ADGRL3: variants seen among roughly 807,000 people sequenced by gnomAD.
ADGRL3 encodes calcium-independent alpha-latrotoxin receptor 3.
In ADGRL3, 62 loss-of-function variants were observed where a neutral mutation model predicts 153.5. The observed-to-expected ratio is 0.40, with a 90% CI of 0.33 to 0.50. The LOEUF is 0.50. Among genes scored for constraint, ADGRL3 ranks in the 20% least tolerant of loss-of-function variants. ADGRL3 has a pLI of 0.47. For synonymous variants in ADGRL3, 710 were observed against 672.5 expected, an observed-to-expected ratio of 1.06 and a Z score of -0.86; for missense variants, 1,641 against 1,859.4, an observed-to-expected ratio of 0.88 and a Z score of 2.16.
chr4:62,007,381 T>TATATATATATATATATATACACAC (rs1553908589), intron 21 of ADGRL3, among the ~76,000 whole-genome samples: 1 of 9,296 alleles, frequency 1.1e-4, no homozygotes, highest in South Asian at 0.013. Context: ...TATATATATA[T>TATATATATATATATATATACACAC]ATACACACAC....
At chr4:61,997,535 G>T (rs915083622) in intron 20 of ADGRL3, among the ~76,000 whole-genome samples, 2 of 152,042 alleles carry the variant, frequency 1.3e-5, no homozygotes, top group African/African-American at 4.8e-5. Flanking sequence ...TCACTATGTG[G>T]TTTTTTTATA....
chr4:61,291,210 A>G (rs2021249), intron 1 of ADGRL3, among the ~76,000 whole-genome samples: 9,969 of 133,442 alleles, frequency 0.075, 495 homozygotes, highest in Admixed American at 0.13. Flanking sequence ...ACACACACAC[A>G]CACACACGCA....
chr4:61,774,078 C>T (rs1208003088), intron 8 of ADGRL3, among the ~76,000 whole-genome samples: 1 of 151,914 alleles, frequency 6.6e-6, no homozygotes, highest in Non-Finnish European at 1.5e-5. Flanking sequence ...GGAAACAGGC[C>T]GGGCATGGTG....
At chr4:61,981,441 A>C (rs1022091459) in intron 18 of ADGRL3, among the ~76,000 whole-genome samples, 3 of 151,940 alleles carry the variant, frequency 2.0e-5, no homozygotes, top group African/African-American at 7.3e-5. Flanking sequence ...TTATATTTGC[A>C]TGAGTTCTGG....
At chr4:61,214,681 A>G (rs1220315273) in intron 1 of ADGRL3, among the ~76,000 whole-genome samples, 1 of 152,162 alleles carries the variant, frequency 6.6e-6, no homozygotes, top group Non-Finnish European at 1.5e-5. Context: ...CATGCCTATA[A>G]TCCCGGTACT....
intron 1 of ADGRL3, among the ~76,000 whole-genome samples, chr4:61,311,553 C>T (rs2095010486): frequency 6.6e-6 from 1 of 152,192 alleles, no homozygotes; most frequent in Non-Finnish European, 1.5e-5. Context: ...ACAACCCATG[C>T]TTTTGCCCTC....
intron 4 of ADGRL3, among the ~76,000 whole-genome samples, chr4:61,544,519 C>T (rs1027601979): frequency 6.6e-6 from 1 of 152,100 alleles, no homozygotes; most frequent in South Asian, 2.1e-4. Context: ...CCTTTAGATA[C>T]ATGTGTACAG....
chr4:61,559,959 C>T (rs1231752954), intron 4 of ADGRL3, among the ~76,000 whole-genome samples: 1 of 151,994 alleles, frequency 6.6e-6, no homozygotes, highest in African/African-American at 2.4e-5. Flanking sequence ...ATGACATTCT[C>T]TTCTTTCTCT....
intron 17 of ADGRL3, among the ~76,000 whole-genome samples, chr4:61,973,451 T>A (rs1368495131): frequency 6.6e-6 from 1 of 152,098 alleles, no homozygotes; most frequent in Non-Finnish European, 1.5e-5. Flanking sequence ...AGAAGCTTCA[T>A]GTAAGTTTTA....
chr4:61,671,000 C>T (rs1472519195), intron 5 of ADGRL3, among the ~76,000 whole-genome samples: 1 of 152,176 alleles, frequency 6.6e-6, no homozygotes, highest in Non-Finnish European at 1.5e-5. Flanking sequence ...ACCACATTCC[C>T]TCCTGCTAGC....
chr4:61,526,685 G>A (rs774633754), intron 4 of ADGRL3, among the ~76,000 whole-genome samples: 11 of 151,994 alleles, frequency 7.2e-5, no homozygotes, highest in Non-Finnish European at 1.5e-4. Context: ...CTGCATTTGA[G>A]CCCAGGAGTT....
At chr4:61,406,545 AT>A (rs2096999557) in intron 2 of ADGRL3, among the ~76,000 whole-genome samples, 1 of 151,742 alleles carries the variant, frequency 6.6e-6, no homozygotes, top group South Asian at 2.1e-4. Flanking sequence ...TTGATAATGC[AT>A]TTTAATAAAA....
chr4:61,678,799 C>T (rs547068443), intron 6 of ADGRL3, among the ~76,000 whole-genome samples: 6 of 151,992 alleles, frequency 3.9e-5, no homozygotes, highest in African/African-American at 1.2e-4. Flanking sequence ...GTAGCCTGAT[C>T]GTGTCTGTTT....
At chr4:61,872,542 G>A (rs2098451788) in intron 9 of ADGRL3, among the ~76,000 whole-genome samples, 2 of 150,710 alleles carry the variant, frequency 1.3e-5, no homozygotes, top group African/African-American at 4.9e-5. Context: ...TAATTTGTAG[G>A]ATTAATTTAT....
At position 61,523,750 on chromosome 4, in the gene ADGRL3, G is replaced by A. The variant is rs1049880889; in HGVS notation, c.259+6232G>A. Among the ~76,000 whole-genome samples, 5 of 152,032 alleles carry A rather than the reference G, an allele frequency of 3.3e-5. No homozygotes were observed. In the East Asian group the frequency reaches 5.8e-4, roughly 18 times the overall value. On this transcript the variant is annotated intron_variant, in intron 4 of 26. Coordinates refer to ENST00000683033, the MANE Select transcript of ADGRL3 (RefSeq NM_001387552.1). Reference sequence around the variant, plus strand: ...TGTATCCAATTGAAAATAAATGTGCGAGCTTGACCTTCAAGTATTTCCAGA... The same window carrying A: ...TGTATCCAATTGAAAATAAATGTGCAAGCTTGACCTTCAAGTATTTCCAGA...
chr4:61,901,012 C>A (rs1009513344), intron 11 of ADGRL3, among the ~76,000 whole-genome samples: 6 of 152,100 alleles, frequency 3.9e-5, no homozygotes, highest in Non-Finnish European at 8.8e-5. Flanking sequence ...GACTATTTTG[C>A]ATACTTTTAA....
intron 2 of ADGRL3, among the ~76,000 whole-genome samples, chr4:61,454,957 T>C: frequency 6.6e-6 from 1 of 152,142 alleles, no homozygotes. Flanking sequence ...ACAATGGTGT[T>C]AACAGATTAA....
chr4:61,260,670 A>T (rs1358831621), intron 1 of ADGRL3, among the ~76,000 whole-genome samples: 2 of 152,210 alleles, frequency 1.3e-5, no homozygotes, highest in African/African-American at 4.8e-5. Flanking sequence ...TTGAATTAAG[A>T]GACTGGTTTA....
intron 23 of ADGRL3, among the ~76,000 whole-genome samples, chr4:62,032,607 A>G (rs2151521774): frequency 6.6e-6 from 1 of 151,828 alleles, no homozygotes; most frequent in South Asian, 2.1e-4. Flanking sequence ...AATTTGTGGG[A>G]AAGAAACAAT....
Sources: allele counts gnomAD v4.1 joint callset (sites outside exome capture counted in the v4.1 genomes callset), GRCh38; gene constraint gnomAD v4.1.1; transcripts MANE v1.5; gene names NCBI Gene and HGNC (gene_info 2026-07-23, HGNC 2026-07-21).